THADA: variants seen among roughly 807,000 people sequenced by gnomAD.
THADA encodes the protein THADA armadillo repeat containing, also known as tRNA (32-2'-O)-methyltransferase regulator THADA.
Under a neutral mutation model 219.8 loss-of-function variants are expected in THADA, and 213 were observed. That is an observed-to-expected ratio of 0.97 (90% CI 0.87 to 1.09). The LOEUF is 1.09. Among genes scored for constraint, THADA ranks in the 50% least tolerant of loss-of-function variants. The probability of loss-of-function intolerance (pLI) is 0.00; values close to 1 mark genes in which losing one functional copy is unlikely to be tolerated. For synonymous variants in THADA, 1,018 were observed against 828.9 expected (o/e 1.23, Z -3.92); for missense variants, 2,956 against 2,311.3 (o/e 1.28, Z -5.72).
At chr2:43,271,601 C>T (rs1672127225) in intron 36 of THADA, among the ~76,000 whole-genome samples, 1 of 148,766 alleles carries the variant, frequency 6.7e-6, no homozygotes, top group Admixed American at 6.7e-5. Context: ...AAAAATCCTA[C>T]ACTCTTGGAA....
intron 36 of THADA, among the ~76,000 whole-genome samples, chr2:43,250,681 T>C (rs1456706004): frequency 1.3e-5 from 2 of 151,896 alleles, no homozygotes; most frequent in African/African-American, 4.8e-5. Context: ...CTGGGCAACA[T>C]AGTGAGATCG....
intron 31 of THADA, among the ~76,000 whole-genome samples, chr2:43,315,838 G>A (rs1174238749): frequency 6.6e-6 from 1 of 152,212 alleles, no homozygotes; most frequent in African/African-American, 2.4e-5. Context: ...AAGGATGAGG[G>A]CAGAGAAAGA....
chr2:43,591,539 T>G (rs954147306), intron 3 of THADA, among the ~76,000 whole-genome samples: 1 of 151,890 alleles, frequency 6.6e-6, no homozygotes, highest in Non-Finnish European at 1.5e-5. Flanking sequence ...AAAAAACCAG[T>G]AATACATTTA....
intron 28 of THADA, among the ~76,000 whole-genome samples, chr2:43,409,864 A>C (rs1676059159): frequency 6.6e-6 from 1 of 152,068 alleles, no homozygotes; most frequent in African/African-American, 2.4e-5. Context: ...AAAAAATAAA[A>C]AAAATAGCCA....
At chr2:43,471,441 G>A (rs1024706889) in intron 26 of THADA, among the ~76,000 whole-genome samples, 4 of 152,150 alleles carry the variant, frequency 2.6e-5, no homozygotes, top group Non-Finnish European at 5.9e-5. Flanking sequence ...TGAGGTGGGA[G>A]GATCACTTGA....
chr2:43,276,984 G>C (rs542227842), intron 36 of THADA, among the ~76,000 whole-genome samples: 7 of 152,042 alleles, frequency 4.6e-5, no homozygotes, highest in Non-Finnish European at 1.0e-4. Flanking sequence ...CCCCCAACCA[G>C]TATTCTCATA....
At chr2:43,568,030 T>TTG (rs966479184) in intron 14 of THADA, among the ~76,000 whole-genome samples, 1 of 150,300 alleles carries the variant, frequency 6.7e-6, no homozygotes, top group Non-Finnish European at 1.5e-5. Context: ...CTACTGGGGG[T>TTG]GGGGGGGAGA....
intron 16 of THADA, 115 bp from the exon 17 acceptor site, chr2:43,556,670 G>A: frequency 1.1e-6 from 1 of 939,524 alleles, no homozygotes; most frequent in Non-Finnish European, 1.6e-6. Context: ...CGAGCCTAGA[G>A]TCCCAGCTAC....
intron 26 of THADA, among the ~76,000 whole-genome samples, chr2:43,448,560 CTTTTTTTTTT>C (rs71410179): frequency 9.6e-6 from 1 of 103,630 alleles, no homozygotes; most frequent in East Asian, 3.1e-4. Flanking sequence ...TTCTTCCTTT[CTTTTTTTTTT>C]TTTTTTTTTG....
intron 1 of THADA, among the ~76,000 whole-genome samples, chr2:43,595,001 G>C (rs192793712): frequency 6.6e-6 from 1 of 152,348 alleles, no homozygotes; most frequent in African/African-American, 2.4e-5. Context: ...GTAGCAAACT[G>C]AATGAAGGCA....
At chr2:43,379,712 A>T (rs1671778205) in intron 29 of THADA, among the ~76,000 whole-genome samples, 1 of 152,190 alleles carries the variant, frequency 6.6e-6, no homozygotes. Flanking sequence ...TGCTTTAAAA[A>T]CTTATGTTCA....
At chr2:43,553,029 T>A (rs1479677363) in intron 17 of THADA, among the ~76,000 whole-genome samples, 1 of 152,188 alleles carries the variant, frequency 6.6e-6, no homozygotes, top group Non-Finnish European at 1.5e-5. Context: ...CTTAGCATAA[T>A]GTTTGCAAAG....
intron 4 of THADA, among the ~76,000 whole-genome samples, chr2:43,587,297 T>A (rs1408564005): frequency 1.3e-5 from 2 of 152,194 alleles, no homozygotes; most frequent in Non-Finnish European, 1.5e-5. Context: ...AATATCCTTC[T>A]CGGTTAAAGT....
At chr2:43,259,055 G>T (rs896988178) in intron 36 of THADA, among the ~76,000 whole-genome samples, 1 of 151,362 alleles carries the variant, frequency 6.6e-6, no homozygotes, top group Non-Finnish European at 1.5e-5. Context: ...AAGTTCTATG[G>T]TGTTAAAAAA....
At chr2:43,264,871 G>C (rs942448117) in intron 36 of THADA, among the ~76,000 whole-genome samples, 1 of 152,202 alleles carries the variant, frequency 6.6e-6, no homozygotes, top group Admixed American at 6.5e-5. Context: ...ACCATTTCCA[G>C]CAAATGGTGG....
chr2:43,403,716 G>A (rs1485875120), intron 28 of THADA, among the ~76,000 whole-genome samples: 1 of 152,152 alleles, frequency 6.6e-6, no homozygotes, highest in Non-Finnish European at 1.5e-5. Flanking sequence ...TTCTGTCAAT[G>A]ATGAAAAGGA....
intron 21 of THADA, among the ~76,000 whole-genome samples, chr2:43,536,018 G>A (rs1694553301): frequency 6.6e-6 from 1 of 151,996 alleles, no homozygotes; most frequent in Admixed American, 6.6e-5. Flanking sequence ...TGGCTAGGAT[G>A]GTCTTGGTTT....
intron 29 of THADA, among the ~76,000 whole-genome samples, chr2:43,366,601 C>G (rs1234183911): frequency 6.6e-6 from 1 of 152,194 alleles, no homozygotes; most frequent in Non-Finnish European, 1.5e-5. Context: ...TTACATACAA[C>G]ATTTCTTAAT....
chr2:43,557,606 A>C (rs1697534309), intron 16 of THADA, among the ~76,000 whole-genome samples: 1 of 152,226 alleles, frequency 6.6e-6, no homozygotes, highest in Non-Finnish European at 1.5e-5. Flanking sequence ...AAGAAGACAG[A>C]ACAAAGGACA....
Sources: gnomAD v4.1 joint callset for allele counts (sites outside exome capture counted in the v4.1 genomes callset) on GRCh38, gnomAD v4.1.1 for gene constraint, MANE v1.5 for transcripts, NCBI Gene and HGNC (gene_info 2026-07-23, HGNC 2026-07-21) for gene names.